RGS7: variants seen among roughly 807,000 people sequenced by gnomAD.
RGS7 encodes the protein regulator of G-protein signaling 7.
Under a neutral mutation model 81.1 loss-of-function variants are expected in RGS7, and 27 were observed. The ratio of observed to expected loss-of-function variants is 0.33; its 90% CI spans 0.25 to 0.46. The LOEUF (loss-of-function observed/expected upper bound fraction) is 0.46, where lower values mean the gene tolerates loss of function less well. Among genes scored for constraint, RGS7 ranks in the 20% least tolerant of loss-of-function variants. The pLI is 1.00. For synonymous variants in RGS7, 208 were observed against 207.7 expected, an observed-to-expected ratio of 1.00 and a Z score of -0.01; for missense variants, 396 against 607.4, an observed-to-expected ratio of 0.65 and a Z score of 3.66.
chr1:240,818,364 A>C (rs1691190777), intron 10 of RGS7, among the ~76,000 whole-genome samples: 1 of 152,278 alleles, frequency 6.6e-6, no homozygotes, highest in South Asian at 2.1e-4. Flanking sequence ...AAGAAGTTAC[A>C]CAGGTAATTA....
At chr1:241,183,467 G>A (rs2071814731) in intron 2 of RGS7, among the ~76,000 whole-genome samples, 1 of 152,150 alleles carries the variant, frequency 6.6e-6, no homozygotes, top group Admixed American at 6.5e-5. Flanking sequence ...ATCATGCTCT[G>A]TCTCGCAGCT....
intron 2 of RGS7, among the ~76,000 whole-genome samples, chr1:241,121,707 G>GTTGTTTTTT (rs2066267624): frequency 1.6e-5 from 1 of 62,286 alleles, no homozygotes. Flanking sequence ...TGTTGCAATT[G>GTTGTTTTTT]TTCTTTTTTT....
chr1:240,956,683 A>G (rs1680486528), intron 4 of RGS7, among the ~76,000 whole-genome samples: 1 of 152,186 alleles, frequency 6.6e-6, no homozygotes, highest in South Asian at 2.1e-4. Context: ...TTATTAACTG[A>G]AAGAAGCCAC....
chr1:240,875,759 T>A (rs1665298696), intron 6 of RGS7, among the ~76,000 whole-genome samples: 1 of 152,210 alleles, frequency 6.6e-6, no homozygotes, highest in African/African-American at 2.4e-5. Context: ...CTCACTGTGG[T>A]TCTGATTTGC....
Position 241,186,302 on chromosome 1 carries a change from T to C in RGS7, c.79-87540A>G, listed in dbSNP as rs146943234. 1.1e-3 allele frequency among the ~76,000 whole-genome samples: 169 copies of C among 152,146 alleles called. 2 individuals carry two copies. Among genetic ancestry groups the C allele is most frequent in the African/African-American group, 3.7e-3 (152 of 41,528 alleles). On this transcript the variant is annotated intron_variant, in intron 2 of 18. Transcript: ENST00000440928. ...CATAATTTCCCAAATCTGAAAACAA[T>C]CCAAATATCCTTCACCTGGCAAACA...
At chr1:240,883,788 AATGGCCCCTGGGC>A (rs1219810154) in intron 6 of RGS7, among the ~76,000 whole-genome samples, 7 of 152,108 alleles carry the variant, frequency 4.6e-5, no homozygotes, top group African/African-American at 1.7e-4. Context: ...TGCTATTTAA[AATGGCCCCTGGGC>A]ATGGTGGCTC....
At chr1:240,823,293 AT>A in intron 10 of RGS7, 1 of 613,896 alleles carries the variant, frequency 1.6e-6, no homozygotes, top group South Asian at 1.6e-5. Flanking sequence ...CCCAACCATA[AT>A]AAATGCCAAT....
intron 6 of RGS7, among the ~76,000 whole-genome samples, chr1:240,901,141 A>T (rs1281368543): frequency 1.3e-5 from 2 of 152,120 alleles, no homozygotes; most frequent in African/African-American, 4.8e-5. Flanking sequence ...AGACCATTGG[A>T]AAAGTGCAGT....
chr1:241,023,812 C>G (rs1266982572), intron 3 of RGS7, among the ~76,000 whole-genome samples: 1 of 152,214 alleles, frequency 6.6e-6, no homozygotes, highest in Non-Finnish European at 1.5e-5. Context: ...ATGGCGCGAT[C>G]TTGGCTCACT....
chr1:240,960,387 G>A (rs1190245351), intron 4 of RGS7, among the ~76,000 whole-genome samples: 1 of 149,934 alleles, frequency 6.7e-6, no homozygotes, highest in East Asian at 2.0e-4. Flanking sequence ...GGGTCTACAG[G>A]GGCACAGCAC....
chr1:241,139,122 G>A (rs528737481), intron 2 of RGS7, among the ~76,000 whole-genome samples: 4 of 151,734 alleles, frequency 2.6e-5, no homozygotes, highest in South Asian at 2.1e-4. Context: ...TGTAGCATGC[G>A]TCAGTAGATT....
intron 4 of RGS7, among the ~76,000 whole-genome samples, chr1:240,947,481 C>A (rs894584677): frequency 3.3e-5 from 5 of 152,138 alleles, no homozygotes; most frequent in Non-Finnish European, 7.3e-5. Flanking sequence ...GACTTTCATT[C>A]CACTGCTCGG....
intron 2 of RGS7, among the ~76,000 whole-genome samples, chr1:241,195,584 G>C (rs2073008571): frequency 6.6e-6 from 1 of 152,120 alleles, no homozygotes; most frequent in Non-Finnish European, 1.5e-5. Context: ...GTATTTATCT[G>C]ATAGGACTTA....
intron 2 of RGS7, among the ~76,000 whole-genome samples, chr1:241,338,830 C>T (rs931333805): frequency 6.6e-6 from 1 of 151,958 alleles, no homozygotes; most frequent in African/African-American, 2.4e-5. Flanking sequence ...TGATAAAGAA[C>T]ATATTATCAT....
At chr1:241,196,340 A>G (rs907507438) in intron 2 of RGS7, among the ~76,000 whole-genome samples, 2 of 152,144 alleles carry the variant, frequency 1.3e-5, no homozygotes, top group Non-Finnish European at 2.9e-5. Context: ...CAGAGAAAAT[A>G]CTAAAGGATA....
rs1491271348 is a variant in RGS7 at position 241,221,055 on chromosome 1, GAA to G, written c.79-122295_79-122294del. Among the ~76,000 whole-genome samples the G allele has an allele frequency of 4.3e-3, 537 of 124,838 alleles. 8 individuals carry two copies. Among genetic ancestry groups the G allele is most frequent in the Non-Finnish European group, 6.9e-3 (410 of 59,504 alleles). 81.9% of individuals were successfully genotyped at this position (124,838 alleles called of 152,430 possible). On this transcript the variant is annotated intron_variant, in intron 2 of 18. Transcript: ENST00000440928. The stretch of plus-strand genomic sequence containing the variant: ...GAAGGAAGGAAAAGAAAGAAAGAAA[GAA>G]AGAGAGAGAGAGAGAAAGGAAGGAA...
At chr1:241,134,756 A>G (rs2067368620) in intron 2 of RGS7, among the ~76,000 whole-genome samples, 1 of 152,156 alleles carries the variant, frequency 6.6e-6, no homozygotes, top group Admixed American at 6.5e-5. Flanking sequence ...TGGAAAGGAA[A>G]AGGAGTTTTA....
chr1:240,806,061 G>T (rs2103070708), intron 15 of RGS7, 79 bp downstream of exon 15: 1 of 1,241,924 alleles, frequency 8.1e-7, no homozygotes, highest in Non-Finnish European at 1.2e-6. Context: ...CTGCCATTTA[G>T]AATGAAAATA....
Position 241,271,823 on chromosome 1 carries a change from G to C in RGS7, c.78+83876C>G, listed in dbSNP as rs2077911036. Among the ~76,000 whole-genome samples, 1 of 151,872 alleles carries C rather than the reference G, an allele frequency of 6.6e-6. No individual in the cohort carries two copies. Among genetic ancestry groups the C allele is most frequent in the Non-Finnish European group, 1.5e-5 (1 of 68,010 alleles). ...ACACCACCAACTTCCCTGGCCTCCAGCTTGCAGATAGCAGATTATGGGACT... is the reference window on the plus strand; with the variant it reads ...ACACCACCAACTTCCCTGGCCTCCACCTTGCAGATAGCAGATTATGGGACT... On this transcript the variant is annotated intron_variant, in intron 2 of 18. Transcript: ENST00000440928. The surrounding 1 kb of genome is among the most constrained non-coding windows in gnomAD (Gnocchi z 4.6).
Sources: gnomAD v4.1 joint callset for allele counts (sites outside exome capture counted in the v4.1 genomes callset) on GRCh38, gnomAD v4.1.1 for gene constraint, Gnocchi (gnomAD v3.1) non-coding constraint, MANE v1.5 for transcripts, NCBI Gene and HGNC (gene_info 2026-07-23, HGNC 2026-07-21) for gene names.